Variants in SLC26A1 observed in about 807,000 individuals in gnomAD.
SLC26A1 encodes solute carrier family 26 member 1.
Under a neutral mutation model 14.5 loss-of-function variants are expected in SLC26A1, and 18 were observed. That is an observed-to-expected ratio of 1.24 (90% CI 0.86 to 1.84). The LOEUF (loss-of-function observed/expected upper bound fraction) is 1.84, where lower values mean the gene tolerates loss of function less well. SLC26A1 is among the 40% of genes most tolerant of loss of function. The probability of loss-of-function intolerance (pLI) is 0.00; values close to 1 mark genes in which losing one functional copy is unlikely to be tolerated. For synonymous variants in SLC26A1, 505 were observed against 492.0 expected (o/e 1.03, Z -0.35); for missense variants, 1,049 against 1,020.0 (o/e 1.03, Z -0.39).
rs1283463118 is a variant in SLC26A1 at position 979,441 on chromosome 4, G to A, written c.640C>T (p.Gln214Ter). ...CTTTCCTCCTCTTCCAGAAGTTCCT[G>A]CGAGTCACTCCTCTGTGTTAATTGC... is the stretch of plus-strand genomic sequence containing the variant. Residue 214 changes from glutamine (Q) to a stop codon, truncating the protein, a stop_gained, in exon 3 of 3, where the codon CAG becomes TAG. Coordinates refer to the SLC26A1 transcript ENST00000398520. LOFTEE classifies it high-confidence loss of function. 1.2e-6 allele frequency: 2 copies of A among 1,607,284 alleles called. No individual in the cohort carries two copies. The highest frequency in any genetic ancestry group is 1.7e-6 in the Non-Finnish European group (2 of 1,174,444).
At position 988,525 on chromosome 4, in the gene SLC26A1, T is replaced by G; in HGVS notation, c.*308A>C. On this transcript the variant is annotated 3_prime_UTR_variant, in exon 3 of 3. Transcript: ENST00000398516. ...GCGGGGGACCCTTGTTCAAATAAGA[T>G]GTCAACCCTGAGCGTCAGGTCAGGC... 1 of 1,201,710 alleles carries G rather than the reference T, an allele frequency of 8.3e-7. No homozygotes were observed. The highest frequency in any genetic ancestry group is 1.0e-6 in the Non-Finnish European group (1 of 965,906). 74.4% of individuals were successfully genotyped at this position (1,201,710 alleles called of 1,614,324 possible).
downstream of SLC26A1, among the ~76,000 whole-genome samples, chr4:983,241 A>C (rs1713599910): frequency 6.6e-6 from 1 of 152,228 alleles, no homozygotes; most frequent in Non-Finnish European, 1.5e-5. Context: ...CCCAGAGTGA[A>C]GGCCTTGGAA....
At position 989,214 on chromosome 4, in the gene SLC26A1, C is replaced by A; in HGVS notation, c.1725G>T (p.Glu575Asp). The A allele has an allele frequency of 6.2e-7, 1 of 1,610,126 alleles. No individual in the cohort carries two copies. The highest frequency in any genetic ancestry group is 8.5e-7 in the Non-Finnish European group (1 of 1,178,164). ...CACCGACCCCCGTCTCTGAGCCCCC[C>A]TCCTTCCTCCTGGCAGCCATGCACC... ...DAGCMAARRK[E>D]GGSETGVGEG... The change falls in exon 3 of 3, where the codon GAG becomes GAT. Residue 575 changes from glutamate (E) to aspartate (D), a missense_variant. Physicochemically the swap from Glu to Asp is conservative, Grantham distance 45. Transcript: ENST00000398516.
At chr4:981,055 C>G (rs1380317858) in intron 2 of SLC26A1, among the ~76,000 whole-genome samples, 1 of 152,188 alleles carries the variant, frequency 6.6e-6, no homozygotes, top group African/African-American at 2.4e-5. Flanking sequence ...CAGCAACCGG[C>G]CAGCGTGCGT....
In SLC26A1 at chr4:987,866, C is replaced by T; in HGVS notation, c.*967G>A. On this transcript the variant is annotated 3_prime_UTR_variant, in exon 3 of 3. Transcript: ENST00000398516. ...ACGTCCTCAGCTGGGACCAGCAGCTCAACCTCGCCTATGTGGGCGCCGTCC... is the reference window on the plus strand; with the variant it reads ...ACGTCCTCAGCTGGGACCAGCAGCTTAACCTCGCCTATGTGGGCGCCGTCC... 6.2e-7 allele frequency: 1 copy of T among 1,612,386 alleles called. No homozygotes were observed. The highest frequency in any genetic ancestry group is 8.5e-7 in the Non-Finnish European group (1 of 1,179,800).
At chr4:986,622 C>A (rs1713739312), downstream of SLC26A1, among the ~76,000 whole-genome samples, 1 of 152,148 alleles carries the variant, frequency 6.6e-6, no homozygotes, top group African/African-American at 2.4e-5. Context: ...GGGTAATTCT[C>A]CTTCCTGCTA....
In SLC26A1 at chr4:991,348, C is replaced by T. The variant is rs368990025; in HGVS notation, c.356G>A (p.Arg119Gln). 2.1e-4 allele frequency: 337 copies of T among 1,612,756 alleles called. No individual in the cohort carries two copies. Among genetic ancestry groups the T allele is most frequent in the Non-Finnish European group, 2.6e-4 (312 of 1,179,954 alleles). ...NLIYFLMGTSRHVSVGIFSLL... is the reference protein window; with the variant it reads ...NLIYFLMGTSQHVSVGIFSLL... ...GCTGAAGATGCCCACGGAGACATGC[C>T]GTGAGGTGCCCATGAGGAAGTAGAT... Residue 119 changes from arginine to glutamine, a missense_variant, in exon 2 of 3, where the codon CGG (arginine) becomes CAG (glutamine). Arg to Gln is a conservative substitution (Grantham distance 43, BLOSUM62 1). Coordinates refer to ENST00000398516, the MANE Select transcript of SLC26A1 (RefSeq NM_022042.4).
At chr4:979,313 C>G in exon 3 of SLC26A1, 3 of 783,986 alleles carry the variant, frequency 3.8e-6, no homozygotes, top group Non-Finnish European at 6.5e-6. Flanking sequence ...TCCAAGCCTC[C>G]CTCTGGAATA....
chr4:988,215 A>G lies in SLC26A1; in HGVS notation c.*618T>C, dbSNP rs1461403213. On this transcript the variant is annotated 3_prime_UTR_variant, in exon 3 of 3. Transcript: ENST00000398516. Reference sequence around the variant, plus strand: ...GCACCTGGCTCCTGGTGCACCCGTGAGCATCCCTGTGTGTGTCTGCTGGCC... The same window carrying G: ...GCACCTGGCTCCTGGTGCACCCGTGGGCATCCCTGTGTGTGTCTGCTGGCC... 2 of 1,334,418 alleles carry G rather than the reference A, an allele frequency of 1.5e-6. No individual in the cohort carries two copies. The highest frequency in any genetic ancestry group is 1.9e-6 in the Non-Finnish European group (2 of 1,039,074). 82.7% of individuals were successfully genotyped at this position (1,334,418 alleles called of 1,614,324 possible).
downstream of SLC26A1, among the ~76,000 whole-genome samples, chr4:985,649 C>T (rs1713691448): frequency 6.6e-6 from 1 of 152,010 alleles, no homozygotes; most frequent in Admixed American, 6.6e-5. Flanking sequence ...TCTCGCCTTT[C>T]CCTCCCTTTC....
chr4:989,364 G>A lies in SLC26A1; in HGVS notation c.1575C>T (p.Ala525=). The change falls in exon 3 of 3, where the codon GCC becomes GCT. Residue 525 remains alanine, a synonymous_variant. Transcript: ENST00000398516. Reference sequence around the variant, plus strand: ...CAGGGACGAGGCCCTCGAACTCTGTGGCATCCTCGTAGAAGGCCGTGTCCC... The same window carrying A: ...CAGGGACGAGGCCCTCGAACTCTGTAGCATCCTCGTAGAAGGCCGTGTCCC... ...RIGDTAFYED[A]TEFEGLVPEP... 3 of 1,590,816 alleles carry A rather than the reference G, an allele frequency of 1.9e-6. No individual in the cohort carries two copies. The South Asian group carries it at 3.4e-5, about 18-fold the overall frequency.
chr4:987,511 C>G (rs1713828472), downstream of SLC26A1: 1 of 866,712 alleles, frequency 1.2e-6, no homozygotes, highest in African/African-American at 1.7e-5. Context: ...AGTGGACGGC[C>G]CTGCAGCGGG....
downstream of SLC26A1, chr4:987,354 T>A: frequency 9.4e-7 from 1 of 1,068,080 alleles, no homozygotes; most frequent in Non-Finnish European, 1.3e-6. Flanking sequence ...TCTGGGGCCC[T>A]GGCTCTCCCG....
Position 989,149 on chromosome 4 carries a change from C to G in SLC26A1, c.1790G>C (p.Ser597Thr), listed in dbSNP as rs1289532466. The G allele has an allele frequency of 6.2e-7, 1 of 1,607,690 alleles. No homozygotes were observed. Among genetic ancestry groups the G allele is most frequent in the East Asian group, 2.2e-5 (1 of 44,664 alleles). The stretch of plus-strand genomic sequence containing the variant: ...TGCGGGCACCAGCGCAGCCCTGGTG[C>G]TAACCGGGCCCAGGTCCTCGCCCTG... ...PAQGEDLGPV[S>T]TRAALVPAAA... The change falls in exon 3 of 3, where the codon AGC (serine) becomes ACC (threonine). Residue 597 changes from serine to threonine, a missense_variant. Transcript: ENST00000398516.
downstream of SLC26A1, chr4:986,734 G>A (rs908829771): frequency 3.6e-5 from 17 of 467,864 alleles, no homozygotes; most frequent in Admixed American, 3.0e-4. Flanking sequence ...CTCAGCCTGG[G>A]CGACAAAGCA....
rs143899697 is a variant in SLC26A1 at position 988,526 on chromosome 4, G to A, written c.*307C>T. On this transcript the variant is annotated 3_prime_UTR_variant, in exon 3 of 3. Transcript: ENST00000398516. ...CGGGGGACCCTTGTTCAAATAAGAT[G>A]TCAACCCTGAGCGTCAGGTCAGGCC... 1,438 of 1,209,026 alleles carry A rather than the reference G, an allele frequency of 1.2e-3. 16 individuals are homozygous for A. In the African/African-American group the frequency reaches 0.02, roughly 17 times the overall value. The allele number at this position is 1,209,026 out of a possible 1,614,324, so 74.9% of individuals were successfully genotyped here. A position where few individuals can be genotyped will look rare whatever the true frequency, so the allele number is the denominator to read the frequency against.
At position 987,917 on chromosome 4, in the gene SLC26A1, G is replaced by C; in HGVS notation, c.*916C>G. The C allele has an allele frequency of 1.2e-6, 2 of 1,601,300 alleles. No homozygotes were observed. Among genetic ancestry groups the C allele is most frequent in the Non-Finnish European group, 1.7e-6 (2 of 1,174,594 alleles). Reference sequence around the variant, plus strand: ...CTCACCGCGGCATCAAGCAGGTCCGGACCCACTGGCTGCTGGAGCTTGTCA... The same window carrying C: ...CTCACCGCGGCATCAAGCAGGTCCGCACCCACTGGCTGCTGGAGCTTGTCA... On this transcript the variant is annotated 3_prime_UTR_variant, in exon 3 of 3. Coordinates refer to ENST00000398516, the MANE Select transcript of SLC26A1 (RefSeq NM_022042.4).
downstream of SLC26A1, among the ~76,000 whole-genome samples, chr4:984,703 T>C (rs1026092814): frequency 1.3e-5 from 2 of 152,150 alleles, no homozygotes; most frequent in Non-Finnish European, 2.9e-5. Context: ...TGGTGGCTCA[T>C]GCCTGTAATC....
downstream of SLC26A1, chr4:987,271 C>T (rs1295144905): frequency 2.0e-6 from 3 of 1,510,996 alleles, no homozygotes; most frequent in South Asian, 1.2e-5. Context: ...CCGGGACCCC[C>T]TGGCCGCACG....
Sources: allele counts gnomAD v4.1 joint callset (sites outside exome capture counted in the v4.1 genomes callset), GRCh38; gene constraint gnomAD v4.1.1; transcripts MANE v1.5; gene names NCBI Gene and HGNC (gene_info 2026-07-23, HGNC 2026-07-21).